Variants in GLDN observed in about 807,000 individuals in gnomAD.
GLDN encodes gliomedin.
In GLDN, 47 loss-of-function variants were observed where a neutral mutation model predicts 56.5. The ratio of observed to expected loss-of-function variants is 0.83; its 90% CI spans 0.66 to 1.06. The LOEUF is 1.06. Ranked by LOEUF, GLDN falls within the 50% of genes least tolerant of loss-of-function variation. The pLI is 0.00. For missense variants in GLDN, 782 were observed against 714.3 expected (o/e 1.09, Z -1.08); for synonymous variants, 332 against 278.8 (o/e 1.19, Z -1.90).
In GLDN at chr15:51,394,908, A is replaced by G; in HGVS notation, c.615A>G (p.Gly205=). Residue 205 remains glycine, a synonymous_variant, in exon 5 of 10, where the codon GGA becomes GGG. Transcript: ENST00000335449. ...KGDHGELGLQ[G]NEGPPGQKGE... is the part of the protein sequence containing the mutation. ...ACCATGGTGAACTGGGCCTGCAGGG[A>G]AATGAGGGCCCACCAGGGCAGAAGG... is the stretch of plus-strand genomic sequence containing the variant. The G allele has an allele frequency of 6.2e-7, 1 of 1,613,188 alleles. No individual in the cohort carries two copies. Among genetic ancestry groups the G allele is most frequent in the Non-Finnish European group, 8.5e-7 (1 of 1,179,512 alleles).
intron 9 of GLDN, among the ~76,000 whole-genome samples, chr15:51,403,267 G>A (rs1022115770): frequency 5.3e-5 from 8 of 152,276 alleles, no homozygotes; most frequent in Admixed American, 2.0e-4. Flanking sequence ...AGGACTAGAC[G>A]GGGCCAAATG....
rs530666322 is a variant in GLDN at position 51,377,821 on chromosome 15, T to C, written c.415+321T>C. Among the ~76,000 whole-genome samples the C allele has an allele frequency of 1.4e-4, 21 of 152,304 alleles. No homozygotes were observed. In the South Asian group the frequency reaches 4.4e-3, roughly 32 times the overall value. Reference sequence around the variant, plus strand: ...GGAAAGAAAGGAAGGGAAAAGACCTTGCTAATTAATACAGTTCTTTTATCA... The same window carrying C: ...GGAAAGAAAGGAAGGGAAAAGACCTCGCTAATTAATACAGTTCTTTTATCA... On this transcript the variant is annotated intron_variant, in intron 2 of 9. Coordinates refer to ENST00000335449, the MANE Select transcript of GLDN (RefSeq NM_181789.4).
intron 6 of GLDN, among the ~76,000 whole-genome samples, chr15:51,398,020 A>G (rs546568331): frequency 6.6e-6 from 1 of 152,384 alleles, no homozygotes; most frequent in South Asian, 2.1e-4. Flanking sequence ...ACAGTGCTAC[A>G]TTAAGCCAGG....
intron 1 of GLDN, among the ~76,000 whole-genome samples, chr15:51,349,500 T>C (rs2037037086): frequency 6.6e-6 from 1 of 152,266 alleles, no homozygotes; most frequent in Admixed American, 6.5e-5. Context: ...TTGTGTGACA[T>C]GTGAACATGA....
intron 1 of GLDN, among the ~76,000 whole-genome samples, chr15:51,373,999 A>G (rs2037570922): frequency 1.3e-5 from 2 of 152,204 alleles, no homozygotes; most frequent in South Asian, 2.1e-4. Context: ...ACCTTTTCAT[A>G]TCATATATTT....
At chr15:51,344,328 G>A (rs1312457573) in intron 1 of GLDN, among the ~76,000 whole-genome samples, 3 of 150,794 alleles carry the variant, frequency 2.0e-5, no homozygotes, top group East Asian at 4.3e-4. Flanking sequence ...ACTCCCACCA[G>A]ACCCCATCAA....
At chr15:51,398,466 A>G (rs1484562201) in intron 6 of GLDN, among the ~76,000 whole-genome samples, 3 of 152,178 alleles carry the variant, frequency 2.0e-5, no homozygotes, top group African/African-American at 7.2e-5. Flanking sequence ...AACTATGAGG[A>G]GGGCCACTTG....
At chr15:51,384,184 G>T in intron 4 of GLDN, 1 of 399,802 alleles carries the variant, frequency 2.5e-6, no homozygotes. Context: ...GCCCTGGGAG[G>T]GGCATTCTGT....
downstream of GLDN, among the ~76,000 whole-genome samples, chr15:51,409,188 G>A (rs1035683723): frequency 2.1e-4 from 32 of 150,702 alleles, no homozygotes; most frequent in African/African-American, 6.9e-4. Context: ...CTGTCACAAC[G>A]CCAAAAAAAA....
chr15:51,370,986 C>A (rs1595816423), intron 1 of GLDN, among the ~76,000 whole-genome samples: 1 of 151,916 alleles, frequency 6.6e-6, no homozygotes, highest in East Asian at 1.9e-4. Context: ...CAGAGTGAGA[C>A]TCCATCTCAA....
Position 51,341,825 on chromosome 15 carries a change from G to A in GLDN, c.141G>A (p.Ala47=), listed in dbSNP as rs1249805603. The stretch of plus-strand genomic sequence containing the variant: ...GCCAGTGGCGCGGGCTGAGCTCGGC[G>A]CTGCGGGCTTTGGAGGCGCAGCGGG... ...ALCQWRGLSS[A]LRALEAQRGR... is the part of the protein sequence containing the mutation. The change falls in exon 1 of 10, where the codon GCG becomes GCA. Residue 47 remains alanine, a synonymous_variant. Coordinates refer to ENST00000335449, the MANE Select transcript of GLDN (RefSeq NM_181789.4). The A allele has an allele frequency of 1.3e-6, 2 of 1,517,092 alleles. No homozygotes were observed. Among genetic ancestry groups the A allele is most frequent in the South Asian group, 1.2e-5 (1 of 82,410 alleles). 94.0% of individuals were successfully genotyped at this position (1,517,092 alleles called of 1,614,324 possible).
rs751508597 is a variant in GLDN at position 51,397,613 on chromosome 15, C to T, written c.817+15C>T. The T allele has an allele frequency of 2.1e-5, 32 of 1,557,610 alleles. No individual in the cohort carries two copies. In the East Asian group the frequency reaches 3.6e-4, roughly 18 times the overall value. On this transcript the variant is annotated intron_variant, in intron 6 of 9. Coordinates refer to ENST00000335449, the MANE Select transcript of GLDN (RefSeq NM_181789.4). ...CCAGTGCCCAGGTCACCACCTCTCC[C>T]CTACGGGGCCCACCTCTTCTGTCAA...
chr15:51,369,691 T>C (rs1196519174), intron 1 of GLDN, among the ~76,000 whole-genome samples: 3 of 152,206 alleles, frequency 2.0e-5, no homozygotes, highest in East Asian at 3.8e-4. Flanking sequence ...GCCTTTTACC[T>C]ACACACAGAA....
intron 1 of GLDN, among the ~76,000 whole-genome samples, chr15:51,376,035 G>A (rs1360859012): frequency 1.3e-5 from 2 of 152,196 alleles, no homozygotes; most frequent in African/African-American, 4.8e-5. Flanking sequence ...TGATAGATAA[G>A]CTGCTGATAG....
At chr15:51,383,959 T>A in intron 4 of GLDN, 67 bp downstream of exon 4, 1 of 1,167,464 alleles carries the variant, frequency 8.6e-7, no homozygotes, top group South Asian at 1.3e-5. Context: ...TTGGGTCGAC[T>A]AAAACTGTGT....
At chr15:51,396,099 T>C (rs2038122382) in intron 5 of GLDN, among the ~76,000 whole-genome samples, 1 of 152,104 alleles carries the variant, frequency 6.6e-6, no homozygotes, top group South Asian at 2.1e-4. Flanking sequence ...GAGATTTGGG[T>C]GGGATATCCA....
intron 1 of GLDN, among the ~76,000 whole-genome samples, chr15:51,366,450 G>A (rs1232876996): frequency 6.6e-6 from 1 of 152,254 alleles, no homozygotes; most frequent in Admixed American, 6.5e-5. Context: ...AAAGGTTTAG[G>A]AAGGTGGTTA....
chr15:51,382,736 A>AAAAAAAG (rs1555404470), intron 2 of GLDN, among the ~76,000 whole-genome samples: 1 of 149,842 alleles, frequency 6.7e-6, no homozygotes, highest in Non-Finnish European at 1.5e-5. Flanking sequence ...CAAAAAAAAA[A>AAAAAAAG]AAAAGAAAAG....
At chr15:51,342,222 CTG>C (rs1230386054) in intron 1 of GLDN, 175 bp downstream of exon 1, 3 of 738,636 alleles carry the variant, frequency 4.1e-6, no homozygotes, top group Non-Finnish European at 6.5e-6. Context: ...CCACTGGAGT[CTG>C]TTTTCTCATC....
Sources: gnomAD v4.1 joint callset for allele counts (sites outside exome capture counted in the v4.1 genomes callset) on GRCh38, gnomAD v4.1.1 for gene constraint, MANE v1.5 for transcripts, NCBI Gene and HGNC (gene_info 2026-07-23, HGNC 2026-07-21) for gene names.